Variants in KLF7 observed in about 807,000 individuals in gnomAD.
The protein encoded by KLF7 is Krueppel-like factor 7.
In KLF7, 2 loss-of-function variants were observed where a neutral mutation model predicts 27.3. The ratio of observed to expected loss-of-function variants is 0.07; its 90% CI spans 0.03 to 0.23. KLF7 has a LOEUF of 0.23. Among genes scored for constraint, KLF7 ranks in the 10% least tolerant of loss-of-function variants. The pLI, the probability that KLF7 is intolerant of heterozygous loss-of-function variation, is 1.00. For synonymous variants in KLF7, 165 were observed against 162.4 expected, an observed-to-expected ratio of 1.02 and a Z score of -0.12; for missense variants, 221 against 394.1, an observed-to-expected ratio of 0.56 and a Z score of 3.72.
chr2:207,109,806 C>A (rs572267434), intron 2 of KLF7, among the ~76,000 whole-genome samples: 27 of 152,260 alleles, frequency 1.8e-4, no homozygotes, highest in Non-Finnish European at 3.5e-4. Context: ...TAATTCCCTA[C>A]TGGATCTAAA....
At chr2:207,085,291 G>A (rs1435692450) in intron 3 of KLF7, among the ~76,000 whole-genome samples, 1 of 151,640 alleles carries the variant, frequency 6.6e-6, no homozygotes, top group Non-Finnish European at 1.5e-5. Flanking sequence ...TTATAAGTGG[G>A]CTGACATAAA....
In KLF7 at chr2:207,102,214, A is replaced by T. The variant is rs149359133; in HGVS notation, c.734-13633T>A. ...TCAGCACAAACATATTGACACCCAC[A>T]TATGTAGAAACACCCCCACACAATC... On this transcript the variant is annotated intron_variant, in intron 2 of 3. Transcript: ENST00000309446. Among the ~76,000 whole-genome samples the T allele has an allele frequency of 2.1e-3, 313 of 151,748 alleles. 1 individual carries two copies. The highest frequency in any genetic ancestry group is 3.7e-3 in the Non-Finnish European group (250 of 67,916).
intron 2 of KLF7, among the ~76,000 whole-genome samples, chr2:207,091,016 T>TTCC (rs1457256634): frequency 4.6e-5 from 7 of 152,012 alleles, no homozygotes; most frequent in African/African-American, 1.7e-4. Context: ...TCCAATGCAA[T>TTCC]GAGGCACCTA....
At chr2:207,163,563 C>T (rs2078611405) in intron 1 of KLF7, among the ~76,000 whole-genome samples, 2 of 152,210 alleles carry the variant, frequency 1.3e-5, no homozygotes, top group Admixed American at 1.3e-4. Context: ...AGCAGGTTTC[C>T]TGTGAAGAGA....
chr2:207,099,994 G>A (rs999859088), intron 2 of KLF7, among the ~76,000 whole-genome samples: 2 of 152,132 alleles, frequency 1.3e-5, no homozygotes, highest in African/African-American at 4.8e-5. Context: ...GCTGGGCATG[G>A]TGGTGCACGC....
At chr2:207,109,493 T>C (rs1485672851) in intron 2 of KLF7, among the ~76,000 whole-genome samples, 1 of 152,190 alleles carries the variant, frequency 6.6e-6, no homozygotes, top group African/African-American at 2.4e-5. Context: ...CAGCCTCAGT[T>C]CCCTTATTTG....
At chr2:207,081,396 T>C (rs2076268623) in intron 3 of KLF7, 132 bp from the exon 4 acceptor site, 4 of 826,312 alleles carry the variant, frequency 4.8e-6, no homozygotes, top group African/African-American at 1.7e-5. Context: ...GGGCCATGTG[T>C]TGGGAAGGTA....
chr2:207,154,427 A>T (rs1454379670), intron 1 of KLF7, among the ~76,000 whole-genome samples: 2 of 152,212 alleles, frequency 1.3e-5, no homozygotes, highest in African/African-American at 4.8e-5. Flanking sequence ...AGGATGTCAA[A>T]CTAGGCCCAG....
intron 1 of KLF7, among the ~76,000 whole-genome samples, chr2:207,141,995 C>A (rs557542067): frequency 6.6e-6 from 1 of 151,978 alleles, no homozygotes; most frequent in East Asian, 1.9e-4. Context: ...GGCTGGAATC[C>A]CTGCTCTCAA....
chr2:207,146,943 G>A (rs2078112595), intron 1 of KLF7, among the ~76,000 whole-genome samples: 2 of 152,148 alleles, frequency 1.3e-5, no homozygotes, highest in African/African-American at 2.4e-5. Context: ...ACTTTCCCAT[G>A]GTATAAGTCA....
intron 2 of KLF7, among the ~76,000 whole-genome samples, chr2:207,105,286 G>A (rs939591734): frequency 6.6e-6 from 1 of 152,192 alleles, no homozygotes; most frequent in African/African-American, 2.4e-5. Context: ...TGACTGGGCT[G>A]GAGTGAAGGA....
At chr2:207,088,752 TCTC>T (rs1044660686) in intron 2 of KLF7, among the ~76,000 whole-genome samples, 171 bp from the exon 3 acceptor site, 2 of 152,154 alleles carry the variant, frequency 1.3e-5, no homozygotes, top group Non-Finnish European at 2.9e-5. Context: ...TTTTTCCAAA[TCTC>T]CTGGTGTTTT....
intron 1 of KLF7, among the ~76,000 whole-genome samples, chr2:207,128,661 T>C (rs941744453): frequency 6.6e-6 from 1 of 152,226 alleles, no homozygotes; most frequent in Non-Finnish European, 1.5e-5. Flanking sequence ...ATTGATCACA[T>C]GTACCCCTGA....
upstream of KLF7, among the ~76,000 whole-genome samples, chr2:207,171,499 A>T (rs146641916): frequency 6.6e-6 from 1 of 152,342 alleles, no homozygotes; most frequent in East Asian, 1.9e-4. Flanking sequence ...TGCATGCTAC[A>T]GAGAAACCTG....
chr2:207,164,521 ACT>A (rs2078642719), intron 1 of KLF7, among the ~76,000 whole-genome samples: 1 of 143,290 alleles, frequency 7.0e-6, no homozygotes, highest in African/African-American at 2.6e-5. Flanking sequence ...GAAAAAAACC[ACT>A]GTTTCCGCAG....
intron 2 of KLF7, chr2:207,110,027 C>T (rs1167424015): frequency 6.5e-6 from 1 of 154,780 alleles, no homozygotes. Flanking sequence ...CAATGCCATA[C>T]GATTATAATA....
intron 2 of KLF7, among the ~76,000 whole-genome samples, chr2:207,108,496 T>C (rs1375357069): frequency 6.6e-6 from 1 of 152,178 alleles, no homozygotes; most frequent in Non-Finnish European, 1.5e-5. Context: ...TCAGGGGTAA[T>C]GTGTGTTATT....
At chr2:207,153,719 T>C (rs1351640834) in intron 1 of KLF7, among the ~76,000 whole-genome samples, 2 of 151,824 alleles carry the variant, frequency 1.3e-5, no homozygotes, top group Admixed American at 1.3e-4. Flanking sequence ...AATCATGAAG[T>C]AGAGAGAAAG....
intron 2 of KLF7, among the ~76,000 whole-genome samples, chr2:207,107,602 T>C (rs2076913213): frequency 6.6e-6 from 1 of 152,234 alleles, no homozygotes; most frequent in African/African-American, 2.4e-5. Context: ...GCCGCATCAT[T>C]GCCTGGGCCC....
Sources: allele counts gnomAD v4.1 joint callset (sites outside exome capture counted in the v4.1 genomes callset), GRCh38; gene constraint gnomAD v4.1.1; transcripts MANE v1.5; gene names NCBI Gene and HGNC (gene_info 2026-07-23, HGNC 2026-07-21).